The following MAGI2 variants were observed in gnomAD, a reference collection of about 807,000 sequenced individuals.
MAGI2 encodes membrane associated guanylate kinase, WW and PDZ domain containing 2.
MAGI2 carries 35 observed loss-of-function variants against 133.3 expected under a neutral mutation model. The ratio of observed to expected loss-of-function variants is 0.26; its 90% CI spans 0.20 to 0.35. The LOEUF (loss-of-function observed/expected upper bound fraction) is 0.35, where lower values mean the gene tolerates loss of function less well. MAGI2 is among the 10% of genes least tolerant of loss of function. The pLI is 1.00. For synonymous variants in MAGI2, 729 were observed against 710.6 expected (o/e 1.03, Z -0.41); for missense variants, 1,636 against 1,863.4 (o/e 0.88, Z 2.25).
At chr7:78,713,740 G>A (rs904210489) in intron 2 of MAGI2, among the ~76,000 whole-genome samples, 1 of 152,104 alleles carries the variant, frequency 6.6e-6, no homozygotes, top group African/African-American at 2.4e-5. Context: ...ACAAAAGGAG[G>A]TACTATGTTG....
chr7:79,426,956 A>G (rs1427702164), intron 1 of MAGI2, among the ~76,000 whole-genome samples: 1 of 152,168 alleles, frequency 6.6e-6, no homozygotes, highest in Non-Finnish European at 1.5e-5. Context: ...AGTCCTAAAA[A>G]AGGAAAAAAA....
chr7:78,528,271 G>A (rs1002336784), intron 3 of MAGI2, among the ~76,000 whole-genome samples: 2 of 152,168 alleles, frequency 1.3e-5, no homozygotes, highest in Non-Finnish European at 2.9e-5. Flanking sequence ...GTTAAACAGA[G>A]AAAAGATTTA....
intron 1 of MAGI2, among the ~76,000 whole-genome samples, chr7:79,303,784 C>T (rs1405675207): frequency 1.3e-5 from 2 of 152,090 alleles, no homozygotes; most frequent in African/African-American, 4.8e-5. Context: ...GAGACAAGAC[C>T]TTATATTGTT....
intron 2 of MAGI2, among the ~76,000 whole-genome samples, chr7:78,894,130 T>C (rs923409825): frequency 2.0e-5 from 3 of 152,164 alleles, no homozygotes; most frequent in African/African-American, 7.2e-5. Flanking sequence ...GGCCGGGCGC[T>C]GTGGCTCATG....
At chr7:78,913,244 T>A (rs1413196811) in intron 2 of MAGI2, among the ~76,000 whole-genome samples, 1 of 152,154 alleles carries the variant, frequency 6.6e-6, no homozygotes, top group East Asian at 1.9e-4. Context: ...GGGAGGTGAT[T>A]GGAGCATGGG....
chr7:78,666,569 T>A (rs1813614217), intron 2 of MAGI2, among the ~76,000 whole-genome samples: 1 of 152,178 alleles, frequency 6.6e-6, no homozygotes, highest in African/African-American at 2.4e-5. Flanking sequence ...TTGATTAGAT[T>A]GGCCAACCAG....
At chr7:79,210,683 C>A (rs1829428999) in intron 1 of MAGI2, among the ~76,000 whole-genome samples, 1 of 152,068 alleles carries the variant, frequency 6.6e-6, no homozygotes, top group Admixed American at 6.5e-5. Flanking sequence ...CTGAAAGGGC[C>A]ACATTTCATT....
rs71085527 is a variant in MAGI2, at chr7:78,387,925, C to CAAATAAAT, written c.1046-18720_1046-18713dup. Among the ~76,000 whole-genome samples the CAAATAAAT allele has an allele frequency of 7.6e-4, 110 of 145,350 alleles. 1 individual carries two copies. Among genetic ancestry groups the CAAATAAAT allele is most frequent in the Middle Eastern group, 3.5e-3 (1 of 288 alleles). ...TGGGCAACGAAGTGAAACTCTGTCTCAAATAAATAAATAAATAAATAAATA... is the reference window on the plus strand; with the variant it reads ...TGGGCAACGAAGTGAAACTCTGTCTCAAATAAATAAATAAATAAATAAATAAATAAATA... On this transcript the variant is annotated intron_variant, in intron 6 of 21. Coordinates refer to ENST00000354212, the MANE Select transcript of MAGI2 (RefSeq NM_012301.4).
intron 4 of MAGI2, chr7:78,519,225 T>C (rs1024211803): frequency 7.9e-5 from 12 of 151,580 alleles, no homozygotes; most frequent in African/African-American, 2.7e-4. Context: ...CTAAAGTCTC[T>C]ACTCAATAAA....
In MAGI2 at chr7:78,332,462, G is replaced by T. The variant is rs558718544; in HGVS notation, c.1408+11316C>A. On this transcript the variant is annotated intron_variant, in intron 9 of 21. Coordinates refer to ENST00000354212, the MANE Select transcript of MAGI2 (RefSeq NM_012301.4). The stretch of plus-strand genomic sequence containing the variant: ...GCCTGTAATCCCAGCATTTCGGGAG[G>T]CCGAGGCGGGAGGATCACAAGGTCA... Among the ~76,000 whole-genome samples the T allele has an allele frequency of 5.3e-5, 8 of 152,336 alleles. No individual in the cohort carries two copies. In the South Asian group the frequency reaches 1.0e-3, roughly 20 times the overall value.
intron 9 of MAGI2, among the ~76,000 whole-genome samples, chr7:78,259,734 C>T (rs965905485): frequency 2.3e-4 from 35 of 152,084 alleles, no homozygotes; most frequent in Admixed American, 1.6e-3. Context: ...CTCCCCAGTC[C>T]CCAAGCACGC....
At chr7:78,920,175 T>C (rs1046122505) in intron 2 of MAGI2, among the ~76,000 whole-genome samples, 1 of 152,124 alleles carries the variant, frequency 6.6e-6, no homozygotes, top group African/African-American at 2.4e-5. Flanking sequence ...TCATGGAGAC[T>C]GTATAGTGTA....
chr7:79,232,192 T>A (rs1411208858), intron 1 of MAGI2, among the ~76,000 whole-genome samples: 1 of 152,170 alleles, frequency 6.6e-6, no homozygotes, highest in Non-Finnish European at 1.5e-5. Flanking sequence ...GGATTCAGCT[T>A]GCCAGTATTT....
chr7:78,757,984 A>G (rs1375444401), intron 2 of MAGI2, among the ~76,000 whole-genome samples: 1 of 152,164 alleles, frequency 6.6e-6, no homozygotes, highest in Non-Finnish European at 1.5e-5. Flanking sequence ...CAAACAGAGC[A>G]TATTCTATCA....
At chr7:79,183,714 T>C (rs1248435181) in intron 1 of MAGI2, among the ~76,000 whole-genome samples, 2 of 151,912 alleles carry the variant, frequency 1.3e-5, no homozygotes, top group African/African-American at 2.4e-5. Context: ...TCACAGTCAA[T>C]TCCAAGAGAC....
At chr7:79,182,496 T>C (rs1826709021) in intron 1 of MAGI2, among the ~76,000 whole-genome samples, 1 of 151,924 alleles carries the variant, frequency 6.6e-6, no homozygotes, top group Non-Finnish European at 1.5e-5. Context: ...TCCCACAACA[T>C]GTGGGAATTC....
chr7:78,396,219 C>G, intron 6 of MAGI2, among the ~76,000 whole-genome samples: 1 of 152,064 alleles, frequency 6.6e-6, no homozygotes, highest in East Asian at 1.9e-4. Context: ...AAGTAGAAAC[C>G]AGGTACAATC....
chr7:78,716,851 G>A (rs1819755697), intron 2 of MAGI2, among the ~76,000 whole-genome samples: 1 of 152,126 alleles, frequency 6.6e-6, no homozygotes, highest in South Asian at 2.1e-4. Context: ...CATGGGGCAC[G>A]GAATCCAATC....
chr7:78,065,009 T>G (rs1813669518), intron 21 of MAGI2, among the ~76,000 whole-genome samples: 2 of 152,074 alleles, frequency 1.3e-5, no homozygotes, highest in Admixed American at 1.3e-4. Context: ...ATTGGGCCCT[T>G]AAAATTTTTT....
Sources: allele counts gnomAD v4.1 joint callset (sites outside exome capture counted in the v4.1 genomes callset), GRCh38; gene constraint gnomAD v4.1.1; transcripts MANE v1.5; gene names NCBI Gene and HGNC (gene_info 2026-07-23, HGNC 2026-07-21).